The following LUZP2 variants were observed in gnomAD, a reference collection of about 807,000 sequenced individuals.
The protein encoded by LUZP2 is leucine zipper protein 2.
In LUZP2, 52 loss-of-function variants were observed where a neutral mutation model predicts 51.6. The observed-to-expected ratio is 1.01, with a 90% confidence interval of 0.81 to 1.27. The LOEUF (loss-of-function observed/expected upper bound fraction) is 1.27. Ranked by LOEUF, LUZP2 falls within the 50% of genes most tolerant of loss-of-function variation. The probability of loss-of-function intolerance (pLI) is 0.00; values close to 1 mark genes in which losing one functional copy is unlikely to be tolerated. For synonymous variants in LUZP2, 154 were observed against 137.3 expected (o/e 1.12, Z -0.85); for missense variants, 436 against 395.4 (o/e 1.10, Z -0.87).
At chr11:24,809,735 T>A (rs1849962226) in intron 5 of LUZP2, among the ~76,000 whole-genome samples, 1 of 152,008 alleles carries the variant, frequency 6.6e-6, no homozygotes, top group African/African-American at 2.4e-5. Context: ...ATAGATTTTT[T>A]TCCTTATGCA....
chr11:24,570,463 T>C (rs1564997927), intron 1 of LUZP2, among the ~76,000 whole-genome samples: 3 of 152,062 alleles, frequency 2.0e-5, no homozygotes, highest in African/African-American at 7.2e-5. Context: ...AGTAGCAAAA[T>C]AGCCTTTATG....
chr11:25,052,407 G>C (rs942720844), intron 10 of LUZP2, among the ~76,000 whole-genome samples: 1 of 152,118 alleles, frequency 6.6e-6, no homozygotes, highest in Non-Finnish European at 1.5e-5. Flanking sequence ...AGTAGGTAAG[G>C]TCTAGACATT....
At chr11:24,917,680 T>C (rs981590429) in intron 7 of LUZP2, among the ~76,000 whole-genome samples, 9 of 151,736 alleles carry the variant, frequency 5.9e-5, no homozygotes, top group African/African-American at 2.2e-4. Context: ...CTCTGTTCTG[T>C]TCCATTGGTC....
At chr11:25,055,178 T>C (rs1019631995) in intron 10 of LUZP2, among the ~76,000 whole-genome samples, 3 of 150,792 alleles carry the variant, frequency 2.0e-5, no homozygotes, top group African/African-American at 7.3e-5. Flanking sequence ...GACCAGCTAA[T>C]TTTTGTATTT....
rs764434872 is a variant in LUZP2 at position 24,894,800 on chromosome 11, T to C, written c.397-11191T>C. Among the ~76,000 whole-genome samples the C allele has an allele frequency of 7.3e-4, 111 of 152,220 alleles. 11 individuals are homozygous for C. The highest frequency in any genetic ancestry group is 4.4e-5 in the Non-Finnish European group (3 of 68,036). Reference sequence around the variant, plus strand: ...AAAACAAATTATACCCTCTAGACTTTATGTATGATAGGTTAACTGGGGGCA... The same window carrying C: ...AAAACAAATTATACCCTCTAGACTTCATGTATGATAGGTTAACTGGGGGCA... On this transcript the variant is annotated intron_variant, in intron 5 of 11. Transcript: ENST00000336930.
At chr11:24,829,357 ACACCTCCCCCACAGTG>A (rs1316151930) in intron 5 of LUZP2, among the ~76,000 whole-genome samples, 12 of 152,156 alleles carry the variant, frequency 7.9e-5, no homozygotes, top group Admixed American at 2.6e-4. Context: ...GCGTGCATGT[ACACCTCCCCCACAGTG>A]CACACACACA....
chr11:24,728,646 T>C (rs1010064954), intron 1 of LUZP2, among the ~76,000 whole-genome samples: 2 of 152,042 alleles, frequency 1.3e-5, no homozygotes, highest in African/African-American at 4.8e-5. Flanking sequence ...CACTTAACAG[T>C]CTTCTGAAAT....
intron 7 of LUZP2, among the ~76,000 whole-genome samples, chr11:24,920,391 G>C (rs1854004065): frequency 1.3e-5 from 2 of 152,052 alleles, no homozygotes; most frequent in African/African-American, 2.4e-5. Flanking sequence ...GCATACAACT[G>C]TGAATCAAAA....
intron 7 of LUZP2, among the ~76,000 whole-genome samples, chr11:24,975,695 G>T (rs1028456533): frequency 6.6e-6 from 1 of 152,072 alleles, no homozygotes; most frequent in Non-Finnish European, 1.5e-5. Flanking sequence ...AAAGTCAAGG[G>T]CTTTGCCCAA....
chr11:24,698,972 C>A (rs1003968712), intron 1 of LUZP2, among the ~76,000 whole-genome samples: 3 of 151,904 alleles, frequency 2.0e-5, no homozygotes, highest in African/African-American at 7.3e-5. Flanking sequence ...ATGAGAGGAT[C>A]GATTGAGCCT....
chr11:24,898,713 AAAAT>A (rs1295174564), intron 5 of LUZP2, among the ~76,000 whole-genome samples: 2 of 152,168 alleles, frequency 1.3e-5, no homozygotes, highest in East Asian at 3.8e-4. Flanking sequence ...TCTTGTGTAA[AAAAT>A]AAGATTTTTA....
intron 7 of LUZP2, among the ~76,000 whole-genome samples, chr11:24,936,155 T>A (rs565596353): frequency 3.9e-5 from 6 of 152,278 alleles, no homozygotes; most frequent in Admixed American, 6.5e-5. Context: ...CAGAACAATT[T>A]TTTAAAAGTT....
chr11:24,927,474 G>C (rs1157218347), intron 7 of LUZP2, among the ~76,000 whole-genome samples: 1 of 150,698 alleles, frequency 6.6e-6, no homozygotes, highest in Non-Finnish European at 1.5e-5. Context: ...CTCCTATTAT[G>C]TGGCTTATTT....
intron 7 of LUZP2, among the ~76,000 whole-genome samples, chr11:24,915,822 C>T (rs1853772959): frequency 6.6e-6 from 1 of 151,906 alleles, no homozygotes; most frequent in Admixed American, 6.6e-5. Context: ...ACCACAATTA[C>T]TCTTGCACCA....
intron 4 of LUZP2, among the ~76,000 whole-genome samples, chr11:24,739,592 G>A (rs575529460): frequency 5.9e-5 from 9 of 152,186 alleles, no homozygotes; most frequent in African/African-American, 9.6e-5. Flanking sequence ...AGCTAAAACC[G>A]TGGTGAAGCC....
At chr11:24,553,278 A>C (rs756925362) in intron 1 of LUZP2, among the ~76,000 whole-genome samples, 22 of 152,032 alleles carry the variant, frequency 1.4e-4, no homozygotes, top group Non-Finnish European at 2.6e-4. Context: ...AAAGTAGCTT[A>C]TATGAAGACA....
At chr11:24,668,994 C>G (rs1359518089) in intron 1 of LUZP2, among the ~76,000 whole-genome samples, 2 of 152,060 alleles carry the variant, frequency 1.3e-5, no homozygotes, top group African/African-American at 4.8e-5. Context: ...CGGCTTTTTC[C>G]TTCAACCAGA....
chr11:24,796,433 G>C (rs1163353333), intron 5 of LUZP2, among the ~76,000 whole-genome samples: 2 of 150,466 alleles, frequency 1.3e-5, no homozygotes, highest in African/African-American at 4.9e-5. Flanking sequence ...AATTTATATA[G>C]GTTGCCCATA....
At chr11:24,761,265 C>A (rs1224030009) in intron 4 of LUZP2, among the ~76,000 whole-genome samples, 1 of 152,010 alleles carries the variant, frequency 6.6e-6, no homozygotes, top group African/African-American at 2.4e-5. Context: ...TTCACATGGG[C>A]AGAACAGGAG....
Sources: allele counts gnomAD v4.1 joint callset (sites outside exome capture counted in the v4.1 genomes callset), GRCh38; gene constraint gnomAD v4.1.1; transcripts MANE v1.5; gene names NCBI Gene and HGNC (gene_info 2026-07-23, HGNC 2026-07-21).